The following CPT1A variants were observed in gnomAD, a reference collection of about 807,000 sequenced individuals.
CPT1A encodes carnitine palmitoyltransferase 1A.
CPT1A carries 64 observed loss-of-function variants against 100.8 expected under a neutral mutation model. That is an observed-to-expected ratio of 0.63 (90% CI 0.52 to 0.78). The LOEUF is 0.78. Ranked by LOEUF, CPT1A falls within the 30% of genes least tolerant of loss-of-function variation. The probability of loss-of-function intolerance (pLI) is 0.00; values close to 1 mark genes in which losing one functional copy is unlikely to be tolerated. For missense variants in CPT1A, 802 were observed against 1,034.1 expected (o/e 0.78, Z 3.08); for synonymous variants, 363 against 396.0 (o/e 0.92, Z 0.99).
intron 4 of CPT1A, 85 bp downstream of exon 4, chr11:68,807,382 G>A (rs774494692): frequency 4.0e-5 from 54 of 1,359,144 alleles, no homozygotes; most frequent in South Asian, 7.5e-5. Context: ...AGAAAAGGTC[G>A]CAGGGGTGTC....
At position 68,829,909 on chromosome 11, in the gene CPT1A, T is replaced by A. The variant is rs117041050; in HGVS notation, c.-14+11866A>T. On this transcript the variant is annotated intron_variant, in intron 1 of 18. Coordinates refer to ENST00000265641, the MANE Select transcript of CPT1A (RefSeq NM_001876.4). ...TCTATTTTCACTGAAAGTACAGAAA[T>A]CACTTCTGAGAAGCTGGCATGGTGG... 7.6e-4 allele frequency among the ~76,000 whole-genome samples: 116 copies of A among 152,206 alleles called. No individual in the cohort carries two copies. In the East Asian group the frequency reaches 0.017, roughly 23 times the overall value.
At chr11:68,817,317 C>T (rs1856455358) in intron 1 of CPT1A, among the ~76,000 whole-genome samples, 1 of 152,130 alleles carries the variant, frequency 6.6e-6, no homozygotes, top group South Asian at 2.1e-4. Flanking sequence ...TGACTCAGTC[C>T]TCCACCAGCC....
At chr11:68,767,393 A>T (rs1367703690) in intron 14 of CPT1A, among the ~76,000 whole-genome samples, 1 of 152,172 alleles carries the variant, frequency 6.6e-6, no homozygotes, top group African/African-American at 2.4e-5. Context: ...GTTTGAGACC[A>T]GCCTGGGAAA....
chr11:68,793,840 G>A (rs1594344898), intron 8 of CPT1A, among the ~76,000 whole-genome samples: 1 of 152,066 alleles, frequency 6.6e-6, no homozygotes, highest in Non-Finnish European at 1.5e-5. Flanking sequence ...GAATTGCTTC[G>A]TTTGACTTCC....
chr11:68,784,016 C>T (rs1006564163), intron 10 of CPT1A, among the ~76,000 whole-genome samples: 4 of 152,120 alleles, frequency 2.6e-5, no homozygotes, highest in African/African-American at 4.8e-5. Flanking sequence ...ACTACAGGCA[C>T]GCACCACCAA....
At chr11:68,778,240 G>A (rs950593191) in intron 12 of CPT1A, among the ~76,000 whole-genome samples, 10 of 152,078 alleles carry the variant, frequency 6.6e-5, no homozygotes, top group African/African-American at 2.4e-4. Context: ...CTTGGGAGAG[G>A]GTAGCAGGGC....
At chr11:68,828,829 A>G (rs546971800) in intron 1 of CPT1A, among the ~76,000 whole-genome samples, 2 of 152,068 alleles carry the variant, frequency 1.3e-5, no homozygotes, top group East Asian at 1.9e-4. Flanking sequence ...GGCCAGCCCC[A>G]CTTCCCGTTC....
At chr11:68,806,748 G>A (rs922923865) in intron 4 of CPT1A, among the ~76,000 whole-genome samples, 1 of 151,516 alleles carries the variant, frequency 6.6e-6, no homozygotes, top group Admixed American at 6.6e-5. Flanking sequence ...TGACCAACAT[G>A]GTAAAACCCC....
chr11:68,841,827 C>T lies in CPT1A; in HGVS notation c.-66G>A. On this transcript the variant is annotated 5_prime_UTR_variant, in exon 1 of 19. Coordinates refer to ENST00000265641, the MANE Select transcript of CPT1A (RefSeq NM_001876.4). The surrounding 1 kb of genome is among the most constrained non-coding windows in gnomAD (Gnocchi z 6.3). The stretch of plus-strand genomic sequence containing the variant: ...GCAGCGGCAGCGGCGGCGGCGGCGG[C>T]GGCGGTGGAGTGAACGAGCGGCGAG... 2.0e-6 allele frequency: 2 copies of T among 999,128 alleles called. No homozygotes were observed. Among genetic ancestry groups the T allele is most frequent in the Non-Finnish European group, 2.4e-6 (2 of 841,618 alleles). The allele number at this position is 999,128 out of a possible 1,614,324, so 61.9% of individuals were successfully genotyped here. A position where few individuals can be genotyped will look rare whatever the true frequency, so the allele number is the denominator to read the frequency against.
At chr11:68,799,391 T>A (rs1186770064) in intron 5 of CPT1A, 36 bp from the exon 6 acceptor site, 6 of 1,607,256 alleles carry the variant, frequency 3.7e-6, no homozygotes, top group Non-Finnish European at 5.1e-6. Flanking sequence ...TCACCCAAGT[T>A]AAAACATATT....
At position 68,841,830 on chromosome 11, in the gene CPT1A, C is replaced by CGGTGGA; in HGVS notation, c.-75_-70dup. On this transcript the variant is annotated 5_prime_UTR_variant, in exon 1 of 19. Coordinates refer to ENST00000265641, the MANE Select transcript of CPT1A (RefSeq NM_001876.4). This position sits in a 1 kb window ranked among gnomAD's most constrained non-coding sequence, Gnocchi z 6.3. Reference sequence around the variant, plus strand: ...GCGGCAGCGGCGGCGGCGGCGGCGGCGGTGGAGTGAACGAGCGGCGAGCGG... The same window carrying CGGTGGA: ...GCGGCAGCGGCGGCGGCGGCGGCGGCGGTGGAGGTGGAGTGAACGAGCGGCGAGCGG... The CGGTGGA allele has an allele frequency of 3.0e-6, 3 of 997,408 alleles. No homozygotes were observed. Among genetic ancestry groups the CGGTGGA allele is most frequent in the Non-Finnish European group, 3.6e-6 (3 of 840,328 alleles). 61.8% of individuals were successfully genotyped at this position (997,408 alleles called of 1,614,324 possible).
chr11:68,767,494 TGGGAGGATCGCCAGCACCCA>T (rs2153995951), intron 14 of CPT1A, among the ~76,000 whole-genome samples: 2 of 152,068 alleles, frequency 1.3e-5, no homozygotes, highest in Admixed American at 6.5e-5. Context: ...GAGACTGAGG[TGGGAGGATCGCCAGCACCCA>T]GGGAGGTCGA....
intron 17 of CPT1A, 21 bp downstream of exon 17, chr11:68,760,204 G>T (rs555822388): frequency 1.3e-6 from 2 of 1,565,762 alleles, no homozygotes; most frequent in Non-Finnish European, 1.7e-6. Flanking sequence ...ACTGCGCCTC[G>T]CCCAGCCCCG....
intron 14 of CPT1A, 86 bp downstream of exon 14, chr11:68,773,179 T>TTCCC: frequency 6.3e-7 from 1 of 1,595,330 alleles, no homozygotes; most frequent in Admixed American, 1.7e-5. Context: ...GTTTCGGGCC[T>TTCCC]TCCCTCCCCA....
At chr11:68,828,423 G>A (rs979361574) in intron 1 of CPT1A, among the ~76,000 whole-genome samples, 3 of 152,174 alleles carry the variant, frequency 2.0e-5, no homozygotes, top group South Asian at 2.1e-4. Flanking sequence ...TCCCACCTGC[G>A]TGGGAGTCCC....
chr11:68,817,100 GGTGTGTGT>G (rs568161603), intron 1 of CPT1A, among the ~76,000 whole-genome samples: 21 of 130,014 alleles, frequency 1.6e-4, no homozygotes, highest in Admixed American at 4.5e-4. Context: ...GTGTGTGTGT[GGTGTGTGT>G]GTGTGGGTGT....
intron 1 of CPT1A, among the ~76,000 whole-genome samples, chr11:68,828,488 G>A (rs116218207): frequency 4.2e-4 from 64 of 152,276 alleles, no homozygotes; most frequent in African/African-American, 1.5e-3. Flanking sequence ...AGGGCAGGAG[G>A]CCAGGGCACC....
intron 3 of CPT1A, among the ~76,000 whole-genome samples, 176 bp downstream of exon 3, chr11:68,812,261 C>T (rs1217392137): frequency 6.6e-6 from 1 of 152,198 alleles, no homozygotes; most frequent in Admixed American, 6.5e-5. Flanking sequence ...GGACCGCAAA[C>T]TCCTAGGGGG....
intron 5 of CPT1A, among the ~76,000 whole-genome samples, chr11:68,802,111 G>A (rs1352667122): frequency 6.6e-6 from 1 of 152,122 alleles, no homozygotes; most frequent in East Asian, 1.9e-4. Context: ...TGAGGGGCTG[G>A]GAGAGGGAGG....
Sources: allele counts gnomAD v4.1 joint callset (sites outside exome capture counted in the v4.1 genomes callset), GRCh38; gene constraint gnomAD v4.1.1; non-coding constraint Gnocchi (gnomAD v3.1); transcripts MANE v1.5; gene names NCBI Gene and HGNC (gene_info 2026-07-23, HGNC 2026-07-21).